Variants in CCDC171 observed in about 807,000 individuals in gnomAD.
CCDC171 encodes coiled-coil domain containing 171, also known as coiled-coil domain-containing protein 171.
Under a neutral mutation model 168.2 loss-of-function variants are expected in CCDC171, and 177 were observed. The ratio of observed to expected loss-of-function variants is 1.05; its 90% CI spans 0.93 to 1.19. The LOEUF (loss-of-function observed/expected upper bound fraction) is 1.19, where lower values mean the gene tolerates loss of function less well. CCDC171 is among the 50% of genes most tolerant of loss of function. CCDC171 has a pLI of 0.00. For synonymous variants in CCDC171, 687 were observed against 540.8 expected (o/e 1.27, Z -3.75); for missense variants, 1,991 against 1,539.0 (o/e 1.29, Z -4.91).
chr9:15,992,825 G>T (rs1001107495), intron 3 of CCDC171, among the ~76,000 whole-genome samples: 1 of 152,126 alleles, frequency 6.6e-6, no homozygotes, highest in Non-Finnish European at 1.5e-5. Context: ...GCCAAATCAT[G>T]AGTGAACTCC....
At chr9:15,743,886 C>T (rs576238995) in intron 16 of CCDC171, among the ~76,000 whole-genome samples, 20 of 152,220 alleles carry the variant, frequency 1.3e-4, no homozygotes, top group Admixed American at 8.5e-4. Context: ...TTGGCAGTGT[C>T]ATTTCTGTTT....
intron 6 of CCDC171, among the ~76,000 whole-genome samples, chr9:15,595,201 G>C (rs2042254432): frequency 6.6e-6 from 1 of 151,932 alleles, no homozygotes; most frequent in Non-Finnish European, 1.5e-5. Context: ...ACAGCGTGCA[G>C]GTTTGTTTCA....
Position 15,965,662 on chromosome 9 carries a change from A to T in CCDC171, c.3754-5947A>T, listed in dbSNP as rs577467894. ...GGCTATAATTGTAAAGTTAGAATTC[A>T]TATCATTTGAGAAGAGTGAAAAAGA... On this transcript the variant is annotated intron_variant, in intron 25 of 25. Coordinates refer to ENST00000380701, the MANE Select transcript of CCDC171 (RefSeq NM_173550.4). Among the ~76,000 whole-genome samples the T allele has an allele frequency of 6.6e-5, 10 of 152,340 alleles. No homozygotes were observed. The East Asian group carries it at 1.3e-3, about 21-fold the overall frequency.
At chr9:15,564,758 G>T (rs987326450) in intron 2 of CCDC171, among the ~76,000 whole-genome samples, 5 of 152,146 alleles carry the variant, frequency 3.3e-5, no homozygotes, top group African/African-American at 4.8e-5. Flanking sequence ...GCTTTACAAA[G>T]AAATAAGTAC....
chr9:15,659,189 T>G (rs1246812152), intron 8 of CCDC171, among the ~76,000 whole-genome samples: 1 of 152,196 alleles, frequency 6.6e-6, no homozygotes, highest in Non-Finnish European at 1.5e-5. Context: ...CATCCTGCTT[T>G]TTGTGAACAG....
the CCDC171 span, among the ~76,000 whole-genome samples, chr9:16,095,269 C>T: frequency 6.6e-6 from 1 of 152,150 alleles, no homozygotes; most frequent in Non-Finnish European, 1.5e-5. Flanking sequence ...GACACAATCG[C>T]CTTCGGTGAG....
chr9:15,888,466 CT>C (rs1819731117), intron 24 of CCDC171, among the ~76,000 whole-genome samples: 1 of 152,180 alleles, frequency 6.6e-6, no homozygotes, highest in South Asian at 2.1e-4. Context: ...AACATTTCTA[CT>C]GTTTCCATAT....
At chr9:15,593,169 C>A (rs1487156230) in intron 5 of CCDC171, among the ~76,000 whole-genome samples, 1 of 152,028 alleles carries the variant, frequency 6.6e-6, no homozygotes, top group Non-Finnish European at 1.5e-5. Flanking sequence ...TGAAAGCTTT[C>A]TTTCTATAAG....
chr9:15,766,202 G>C (rs1337648105), intron 18 of CCDC171, among the ~76,000 whole-genome samples: 2 of 152,152 alleles, frequency 1.3e-5, no homozygotes, highest in African/African-American at 4.8e-5. Flanking sequence ...AAGAGGAACT[G>C]TAGTGCATAT....
At chr9:16,062,948 A>G (rs1364568945), downstream of CCDC171, among the ~76,000 whole-genome samples, 2 of 152,186 alleles carry the variant, frequency 1.3e-5, no homozygotes, top group African/African-American at 4.8e-5. Context: ...TTGGAACTAA[A>G]TAGTGAAACC....
intron 23 of CCDC171, among the ~76,000 whole-genome samples, chr9:15,856,925 C>T (rs1442972976): frequency 6.6e-6 from 1 of 151,954 alleles, no homozygotes; most frequent in African/African-American, 2.4e-5. Flanking sequence ...GGTGATACCT[C>T]ATTGTGGTTT....
rs116336457 is a variant in CCDC171 at position 15,828,896 on chromosome 9, C to G, written c.3268-17806C>G. 5.9e-3 allele frequency among the ~76,000 whole-genome samples: 898 copies of G among 152,158 alleles called. 14 individuals are homozygous for G. The highest frequency in any genetic ancestry group is 0.02 in the African/African-American group (821 of 41,504). On this transcript the variant is annotated intron_variant, in intron 21 of 25. Coordinates refer to ENST00000380701, the MANE Select transcript of CCDC171 (RefSeq NM_173550.4). The stretch of plus-strand genomic sequence containing the variant: ...AATCAGGGTTTTTGTATCTTTAGTT[C>G]ATAAGTGAGGTTTCTCCTTCTTGAC...
At chr9:15,615,595 C>G (rs932973462) in intron 6 of CCDC171, among the ~76,000 whole-genome samples, 2 of 151,916 alleles carry the variant, frequency 1.3e-5, no homozygotes, top group Non-Finnish European at 2.9e-5. Flanking sequence ...AATATATCAC[C>G]AAAATAAACA....
At chr9:15,918,541 C>G (rs757010118) in intron 24 of CCDC171, among the ~76,000 whole-genome samples, 2 of 151,316 alleles carry the variant, frequency 1.3e-5, no homozygotes, top group Admixed American at 6.6e-5. Flanking sequence ...AGATGTAATT[C>G]AAGTTTCTGA....
At chr9:15,996,471 T>G (rs1832378511) in intron 3 of CCDC171, among the ~76,000 whole-genome samples, 1 of 148,726 alleles carries the variant, frequency 6.7e-6, no homozygotes, top group African/African-American at 2.5e-5. Context: ...ATAAACTGTG[T>G]ATTGTGCACC....
intron 6 of CCDC171, among the ~76,000 whole-genome samples, chr9:15,618,871 G>A (rs1217053872): frequency 1.3e-5 from 2 of 151,652 alleles, no homozygotes; most frequent in East Asian, 3.9e-4. Flanking sequence ...GATGAACTGT[G>A]TACCTCAGTT....
At chr9:15,767,813 CTTTT>C in intron 18 of CCDC171, among the ~76,000 whole-genome samples, 1 of 6,722 alleles carries the variant, frequency 1.5e-4, no homozygotes, top group African/African-American at 7.2e-4. Flanking sequence ...TTTCTTTTTT[CTTTT>C]CTTTTCTTTC....
intron 6 of CCDC171, among the ~76,000 whole-genome samples, chr9:16,026,919 C>A (rs1266309223): frequency 6.6e-6 from 1 of 152,278 alleles, no homozygotes; most frequent in East Asian, 1.9e-4. Context: ...CCAGTTAACC[C>A]TCTGTGAGTT....
intron 24 of CCDC171, among the ~76,000 whole-genome samples, chr9:15,917,268 G>A (rs535590107): frequency 6.6e-6 from 1 of 151,890 alleles, no homozygotes; most frequent in Non-Finnish European, 1.5e-5. Context: ...TTCCAGTTTT[G>A]AAGGAGACTT....
Sources: gnomAD v4.1 joint callset for allele counts (sites outside exome capture counted in the v4.1 genomes callset) on GRCh38, gnomAD v4.1.1 for gene constraint, MANE v1.5 for transcripts, NCBI Gene and HGNC (gene_info 2026-07-23, HGNC 2026-07-21) for gene names.